The following KIF27 variants were observed in gnomAD, a reference collection of about 807,000 sequenced individuals.
KIF27 encodes the protein kinesin-like protein KIF27.
Under a neutral mutation model 141.8 loss-of-function variants are expected in KIF27, and 84 were observed. The ratio of observed to expected loss-of-function variants is 0.59; its 90% CI spans 0.50 to 0.71. The LOEUF is 0.71. Ranked by LOEUF, KIF27 falls within the 30% of genes least tolerant of loss-of-function variation. The pLI is 0.00. For missense variants in KIF27, 1,306 were observed against 1,628.4 expected, an observed-to-expected ratio of 0.80 and a Z score of 3.41; for synonymous variants, 471 against 569.5, an observed-to-expected ratio of 0.83 and a Z score of 2.46.
chr9:83,844,347 GATAT>G (rs1564273728), intron 16 of KIF27, among the ~76,000 whole-genome samples: 32 of 149,888 alleles, frequency 2.1e-4, no homozygotes, highest in Non-Finnish European at 3.8e-4. Context: ...TATTTATATA[GATAT>G]CTATATCTAT....
intron 1 of KIF27, among the ~76,000 whole-genome samples, chr9:83,919,102 CAAT>C (rs1955996306): frequency 6.6e-6 from 1 of 151,962 alleles, no homozygotes; most frequent in Non-Finnish European, 1.5e-5. Context: ...ACAACAACCA[CAAT>C]GAGATACCAA....
chr9:83,842,271 C>T lies in KIF27; in HGVS notation c.3687G>A (p.Gly1229=). ...GTGCTAGTTGCCGCCGAATTGCTTCCCCTACCAGTTCCTTAAGTTTCTTCT... is the reference window on the plus strand; with the variant it reads ...GTGCTAGTTGCCGCCGAATTGCTTCTCCTACCAGTTCCTTAAGTTTCTTCT... The part of the protein sequence containing the change: ...DHKKKLKELV[G]EAIRRQLAPS... The change falls in exon 17 of 18, where the codon GGG becomes GGA. Residue 1229 remains glycine (G), a synonymous_variant. Coordinates refer to ENST00000297814, the MANE Select transcript of KIF27 (RefSeq NM_017576.4). The T allele has an allele frequency of 1.3e-6, 2 of 1,566,586 alleles. No homozygotes were observed. The highest frequency in any genetic ancestry group is 2.4e-5 in the South Asian group (2 of 82,846).
Position 83,870,577 on chromosome 9 carries a change from A to T in KIF27, c.2699T>A (p.Leu900His). 3 of 1,613,928 alleles carry T rather than the reference A, an allele frequency of 1.9e-6. No individual in the cohort carries two copies. Among genetic ancestry groups the T allele is most frequent in the Non-Finnish European group, 2.5e-6 (3 of 1,179,856 alleles). The change falls in exon 12 of 18, where the codon CTT becomes CAT. Residue 900 changes from leucine (L) to histidine (H), a missense_variant. This residue lies in a region of KIF27 where 596 missense variants were observed against 751.6 expected (regional missense o/e 0.79). Transcript: ENST00000297814. ...EEGLKPKAED[L>H]DACNLKRRKG... ...TCTCCTTTTCAAGTTACATGCATCA[A>T]GGTCCTCAGCTTTCGGTTTTAGACC...
At chr9:83,851,127 C>T (rs549951224) in intron 15 of KIF27, among the ~76,000 whole-genome samples, 21 of 152,110 alleles carry the variant, frequency 1.4e-4, no homozygotes, top group East Asian at 9.8e-4. Flanking sequence ...TGAGCCACCA[C>T]GCCCAGCCGA....
Position 83,908,472 on chromosome 9 carries a change from T to G in KIF27, c.479A>C (p.Glu160Ala). ...ETSMKDLHIREDEKGNTVIVG... is the reference protein window; with the variant it reads ...ETSMKDLHIRADEKGNTVIVG... ...TTTACCTGTGTTTCCTTTTTCATCT[T>G]CTCGGATGTGAAGATCCTTCATGGA... The change falls in exon 3 of 18, where the codon GAA becomes GCA. Residue 160 changes from glutamate (E) to alanine (A), a missense_variant. Glu to Ala is a moderately radical substitution (Grantham distance 107). Coordinates refer to ENST00000297814, the MANE Select transcript of KIF27 (RefSeq NM_017576.4). 1.2e-6 allele frequency: 2 copies of G among 1,610,176 alleles called. No homozygotes were observed. Among genetic ancestry groups the G allele is most frequent in the Non-Finnish European group, 1.7e-6 (2 of 1,177,854 alleles).
chr9:83,853,896 A>G lies in KIF27; in HGVS notation c.3151-61T>C. Reference sequence around the variant, plus strand: ...TAGTATAACTTTGACTTTGTCATATACTCAGATCCTCCTAAGCTATTTGAG... The same window carrying G: ...TAGTATAACTTTGACTTTGTCATATGCTCAGATCCTCCTAAGCTATTTGAG... On this transcript the variant is annotated intron_variant, in intron 14 of 17. Transcript: ENST00000297814. 1.1e-5 allele frequency: 13 copies of G among 1,213,996 alleles called. 1 individual carries two copies. In the South Asian group the frequency reaches 1.6e-4, roughly 15 times the overall value. The allele number at this position is 1,213,996 out of a possible 1,614,324, so 75.2% of individuals were successfully genotyped here.
intron 16 of KIF27, among the ~76,000 whole-genome samples, 190 bp downstream of exon 16, chr9:83,849,909 G>GCAC (rs1948342108): frequency 6.6e-6 from 1 of 152,158 alleles, no homozygotes; most frequent in South Asian, 2.1e-4. Flanking sequence ...GGCATTCCAA[G>GCAC]CACGAATAGC....
intron 10 of KIF27, among the ~76,000 whole-genome samples, chr9:83,882,970 G>T (rs1272314791): frequency 1.3e-5 from 2 of 152,028 alleles, no homozygotes; most frequent in Non-Finnish European, 1.5e-5. Flanking sequence ...GACTTTTCAG[G>T]CCTGTCACAC....
intron 17 of KIF27, among the ~76,000 whole-genome samples, chr9:83,838,240 T>C (rs1946127629): frequency 8.3e-6 from 1 of 120,348 alleles, no homozygotes; most frequent in South Asian, 2.7e-4. Context: ...AGTTTTTTGT[T>C]GTTTTTTTTT....
At chr9:83,893,035 G>A (rs1563967422) in intron 5 of KIF27, among the ~76,000 whole-genome samples, 1 of 152,188 alleles carries the variant, frequency 6.6e-6, no homozygotes, top group South Asian at 2.1e-4. Flanking sequence ...AAGAGTTTGA[G>A]AGCAGCCTGG....
At chr9:83,876,223 A>T (rs1390370609) in intron 11 of KIF27, among the ~76,000 whole-genome samples, 4 of 152,142 alleles carry the variant, frequency 2.6e-5, no homozygotes. Context: ...ATCCCAGGTG[A>T]GTATAGAATA....
chr9:83,842,357 C>T lies in KIF27; in HGVS notation c.3601G>A (p.Asp1201Asn), dbSNP rs772150791. 2 of 1,541,580 alleles carry T rather than the reference C, an allele frequency of 1.3e-6. No individual in the cohort carries two copies. The highest frequency in any genetic ancestry group is 1.7e-6 in the Non-Finnish European group (2 of 1,152,242). ...GIMETFKTYE[D>N]KIQQLEKDLY... ...TCTTTTTCCAACTGCTGGATTTTAT[C>T]TTCATATGTTTTGAAAGTTTCCATA... Residue 1201 changes from aspartate to asparagine, a missense_variant, in exon 17 of 18, where the codon GAT becomes AAT. Around this residue, in one of 4 missense-constraint regions of KIF27, gnomAD observed 148 missense variants for 250.9 expected, o/e 0.59. Transcript: ENST00000297814.
intron 17 of KIF27, 146 bp downstream of exon 17, chr9:83,842,091 G>C (rs1946640435): frequency 3.2e-6 from 3 of 933,444 alleles, no homozygotes; most frequent in African/African-American, 1.7e-5. Context: ...TTCTACTTTA[G>C]ACAACGATTT....
In KIF27 at chr9:83,837,330, G is replaced by T; in HGVS notation, c.3877C>A (p.Gln1293Lys). The change falls in exon 18 of 18, where the codon CAA becomes AAA. Residue 1293 changes from glutamine to lysine, a missense_variant. Coordinates refer to ENST00000297814, the MANE Select transcript of KIF27 (RefSeq NM_017576.4). ...TCTGGGATATCTTCCCAGAGCTTTT[G>T]AGGATTTGGCTGTGTTCTTAAGCTG... ...ASSLRTQPNP[Q>K]KLWEDIPELP... is the part of the protein sequence containing the mutation. The T allele has an allele frequency of 6.2e-7, 1 of 1,607,666 alleles. No homozygotes were observed. The highest frequency in any genetic ancestry group is 2.2e-5 in the East Asian group (1 of 44,802).
chr9:83,850,896 G>A (rs1325005301), intron 15 of KIF27, among the ~76,000 whole-genome samples: 1 of 129,710 alleles, frequency 7.7e-6, no homozygotes, highest in Non-Finnish European at 1.6e-5. Flanking sequence ...GGAGTGCAGT[G>A]GTGCAATCTC....
chr9:83,902,117 G>A (rs1953971492), intron 4 of KIF27, among the ~76,000 whole-genome samples: 1 of 151,958 alleles, frequency 6.6e-6, no homozygotes, highest in Non-Finnish European at 1.5e-5. Context: ...CTGTAACAGA[G>A]GATAATACAA....
rs759532647 is a variant in KIF27 at position 83,908,581 on chromosome 9, G to A, written c.370C>T (p.His124Tyr). 54 of 1,611,696 alleles carry A rather than the reference G, an allele frequency of 3.4e-5. No individual in the cohort carries two copies. The highest frequency in any genetic ancestry group is 3.6e-5 in the Non-Finnish European group (42 of 1,178,438). The change falls in exon 3 of 18, where the codon CAT becomes TAT. Residue 124 changes from histidine (H) to tyrosine (Y), a missense_variant. His to Tyr is a moderately conservative substitution (Grantham distance 83). Around this residue, in one of 4 missense-constraint regions of KIF27, gnomAD observed 533 missense variants for 565.6 expected, o/e 0.94. Transcript: ENST00000297814. ...IQEIFQSISE[H>Y]PSIDFNVKVS... The stretch of plus-strand genomic sequence containing the variant: ...TTTACATTAAAGTCAATGCTAGGAT[G>A]TTCAGAGATGCTTTGAAATATTTCT...
At chr9:83,848,909 C>T (rs1587952985) in intron 16 of KIF27, 1 of 152,020 alleles carries the variant, frequency 6.6e-6, no homozygotes, top group East Asian at 1.9e-4. Context: ...ACCTCTGGGA[C>T]TCAGGTGATC....
At chr9:83,837,519 C>A in intron 17 of KIF27, 34 bp from the exon 18 acceptor site, 2 of 1,545,380 alleles carry the variant, frequency 1.3e-6, no homozygotes, top group South Asian at 1.3e-5. Context: ...AAATTAGATA[C>A]TATTTCCTCA....
Sources: gnomAD v4.1 joint callset for allele counts (sites outside exome capture counted in the v4.1 genomes callset) on GRCh38, gnomAD v4.1.1 for gene constraint, gnomAD v4.1.1 regional missense constraint, MANE v1.5 for transcripts, NCBI Gene and HGNC (gene_info 2026-07-23, HGNC 2026-07-21) for gene names.